Variants in TCF7L2 observed in about 807,000 individuals in gnomAD.
The protein encoded by TCF7L2 is transcription factor 7-like 2.
In TCF7L2, 23 loss-of-function variants were observed where a neutral mutation model predicts 77.9. The observed-to-expected ratio is 0.30, with a 90% CI of 0.21 to 0.42. TCF7L2 has a LOEUF of 0.42. Ranked by LOEUF, TCF7L2 falls within the 10% of genes least tolerant of loss-of-function variation. The pLI, the probability that TCF7L2 is intolerant of heterozygous loss-of-function variation, is 1.00. For synonymous variants in TCF7L2, 413 were observed against 340.2 expected, an observed-to-expected ratio of 1.21 and a Z score of -2.36; for missense variants, 654 against 793.1, an observed-to-expected ratio of 0.82 and a Z score of 2.11.
chr10:113,099,507 C>T (rs1271885185), intron 5 of TCF7L2, among the ~76,000 whole-genome samples: 1 of 152,138 alleles, frequency 6.6e-6, no homozygotes, highest in South Asian at 2.1e-4. Context: ...GCTACATGCA[C>T]GGGAAGACCA....
chr10:113,047,808 A>G (rs1323695179), intron 5 of TCF7L2, among the ~76,000 whole-genome samples: 6 of 152,154 alleles, frequency 3.9e-5, no homozygotes, highest in East Asian at 1.9e-4. Context: ...TCAGCCCACA[A>G]TGAATGTGGG....
chr10:113,145,894 T>C (rs1272770721), intron 7 of TCF7L2, 117 bp from the exon 8 acceptor site: 4 of 821,354 alleles, frequency 4.9e-6, no homozygotes, highest in Non-Finnish European at 8.0e-6. Context: ...AGATTTTTGT[T>C]CTGATCAAAT....
intron 5 of TCF7L2, chr10:113,125,642 T>A (rs1307295065): frequency 1.3e-5 from 2 of 152,222 alleles, no homozygotes; most frequent in Non-Finnish European, 2.9e-5. Flanking sequence ...TTAACTGCTT[T>A]GACAATGCTA....
At chr10:112,995,179 A>T (rs1169416643) in intron 4 of TCF7L2, among the ~76,000 whole-genome samples, 2 of 152,192 alleles carry the variant, frequency 1.3e-5, no homozygotes, top group Non-Finnish European at 2.9e-5. Context: ...CTCTCTGGGT[A>T]GAGATGGGAA....
chr10:113,028,187 A>G (rs1381417209), intron 4 of TCF7L2, among the ~76,000 whole-genome samples: 2 of 152,168 alleles, frequency 1.3e-5, no homozygotes, highest in Non-Finnish European at 2.9e-5. Flanking sequence ...CTGGGAGAGA[A>G]TGTTTATTTC....
In TCF7L2 at chr10:113,166,573, G is replaced by GC. The variant is rs1564999412; in HGVS notation, c.*601_*602insC. 4.6e-6 allele frequency: 1 copy of GC among 219,292 alleles called. No individual in the cohort carries two copies. Among genetic ancestry groups the GC allele is most frequent in the Non-Finnish European group, 9.1e-6 (1 of 109,614 alleles). 13.6% of individuals were successfully genotyped at this position (219,292 alleles called of 1,614,324 possible). A position where few individuals can be genotyped will look rare whatever the true frequency, so the allele number is the denominator to read the frequency against. ...CCTTGTTCCATGGTGTTGTTCTTTTGGGGGGAGGGGACGCTACTCAACACT... is the reference window on the plus strand; with the variant it reads ...CCTTGTTCCATGGTGTTGTTCTTTTGCGGGGGAGGGGACGCTACTCAACACT... On this transcript the variant is annotated 3_prime_UTR_variant, in exon 14 of 14. Coordinates refer to ENST00000627217, the MANE Select transcript of TCF7L2 (RefSeq NM_001146274.2).
chr10:112,961,256 C>CGCT (rs200614227), intron 3 of TCF7L2, among the ~76,000 whole-genome samples: 1 of 61,468 alleles, frequency 1.6e-5, no homozygotes, highest in African/African-American at 5.3e-5. Context: ...CTCAGGTGAC[C>CGCT]CCCCCCCCCC....
chr10:113,078,445 G>A (rs1423230448), intron 5 of TCF7L2, among the ~76,000 whole-genome samples: 1 of 152,182 alleles, frequency 6.6e-6, no homozygotes, highest in Non-Finnish European at 1.5e-5. Flanking sequence ...GTGTTGCCCA[G>A]GCTGAAGTGC....
intron 5 of TCF7L2, among the ~76,000 whole-genome samples, chr10:113,118,799 C>T (rs568147115): frequency 9.9e-5 from 15 of 151,038 alleles, no homozygotes; most frequent in African/African-American, 3.4e-4. Flanking sequence ...AACTCAATTG[C>T]GATACTTTGT....
At chr10:113,092,385 T>C (rs1026740823) in intron 5 of TCF7L2, among the ~76,000 whole-genome samples, 1 of 152,218 alleles carries the variant, frequency 6.6e-6, no homozygotes, top group East Asian at 1.9e-4. Flanking sequence ...AAGGTTCACA[T>C]ACAGGCTGTA....
At chr10:113,110,901 G>A (rs1263491243) in intron 5 of TCF7L2, among the ~76,000 whole-genome samples, 1 of 152,158 alleles carries the variant, frequency 6.6e-6, no homozygotes, top group African/African-American at 2.4e-5. Context: ...CAACAGCTCT[G>A]AGTTTAGATT....
chr10:113,144,277 G>A lies in TCF7L2; in HGVS notation c.788+252G>A, dbSNP rs7903424. ...ATGTTACTGGCACTTAGCATTCCGC[G>A]ACCATGGTCCCCAGAGGCTCTGTGG... On this transcript the variant is annotated intron_variant, in intron 7 of 13. Coordinates refer to ENST00000627217, the MANE Select transcript of TCF7L2 (RefSeq NM_001146274.2). Among the ~76,000 whole-genome samples, 36,902 of 151,872 alleles carry A rather than the reference G, an allele frequency of 0.24. 4,768 individuals are homozygous for A. Among genetic ancestry groups the A allele is most frequent in the Non-Finnish European group, 0.28 (18,734 of 67,920 alleles).
At chr10:113,118,125 G>A (rs557416942) in intron 5 of TCF7L2, among the ~76,000 whole-genome samples, 1 of 152,216 alleles carries the variant, frequency 6.6e-6, no homozygotes, top group Admixed American at 6.5e-5. Context: ...GAATTTACTG[G>A]TGGTGTTTTA....
At chr10:113,162,371 G>A (rs1168185157) in intron 13 of TCF7L2, among the ~76,000 whole-genome samples, 5 of 152,082 alleles carry the variant, frequency 3.3e-5, no homozygotes, top group Non-Finnish European at 5.9e-5. Context: ...GTTGCTGCAA[G>A]TCAGACTTTT....
chr10:113,042,005 T>C (rs2052535900), intron 5 of TCF7L2, among the ~76,000 whole-genome samples: 1 of 152,230 alleles, frequency 6.6e-6, no homozygotes, highest in Non-Finnish European at 1.5e-5. Context: ...GTTTGTGGCA[T>C]AGGCTCTGTG....
At chr10:113,036,780 G>C in intron 4 of TCF7L2, among the ~76,000 whole-genome samples, 1 of 152,034 alleles carries the variant, frequency 6.6e-6, no homozygotes, top group South Asian at 2.1e-4. Context: ...TTGTTGAAAA[G>C]TTTAATGTTT....
rs766068443 is a variant in TCF7L2 at position 113,040,100 on chromosome 10, C to A, written c.526C>A (p.Arg176=). 1 of 1,613,808 alleles carries A rather than the reference C, an allele frequency of 6.2e-7. No individual in the cohort carries two copies. The highest frequency in any genetic ancestry group is 8.5e-7 in the Non-Finnish European group (1 of 1,179,848). The stretch of plus-strand genomic sequence containing the variant: ...GAGTAGACAAGCCCTCAAGGATGCC[C>A]GGTCCCCATCACCGGCACACATTGT... Residue 176 remains arginine, a synonymous_variant, in exon 5 of 14, where the codon CGG becomes AGG. Transcript: ENST00000627217.
At chr10:113,035,936 T>G (rs966913574) in intron 4 of TCF7L2, among the ~76,000 whole-genome samples, 3 of 152,192 alleles carry the variant, frequency 2.0e-5, no homozygotes, top group African/African-American at 7.2e-5. Context: ...TCTGGCACTT[T>G]GCAGAAAAAG....
intron 5 of TCF7L2, among the ~76,000 whole-genome samples, chr10:113,047,853 A>G (rs549589535): frequency 1.5e-4 from 23 of 152,230 alleles, no homozygotes; most frequent in South Asian, 4.1e-4. Context: ...GCTCTTGACC[A>G]TTTCTCAAGC....
Sources: gnomAD v4.1 joint callset for allele counts (sites outside exome capture counted in the v4.1 genomes callset) on GRCh38, gnomAD v4.1.1 for gene constraint, MANE v1.5 for transcripts, NCBI Gene and HGNC (gene_info 2026-07-23, HGNC 2026-07-21) for gene names.